The following PLEKHA1 variants were observed in gnomAD, a reference collection of about 807,000 sequenced individuals.
PLEKHA1 encodes pleckstrin homology domain containing A1, also known as pleckstrin homology domain-containing family A member 1.
A neutral mutation model predicts 52.0 loss-of-function variants in PLEKHA1; 34 were observed. The ratio of observed to expected loss-of-function variants is 0.65; its 90% CI spans 0.50 to 0.87. The LOEUF is 0.87. PLEKHA1 is among the 40% of genes least tolerant of loss of function. The pLI is 0.00. For synonymous variants in PLEKHA1, 163 were observed against 170.7 expected (o/e 0.95, Z 0.35); for missense variants, 497 against 504.2 (o/e 0.99, Z 0.14).
At chr10:122,428,895 AGATTT>A (rs2097379809) in intron 11 of PLEKHA1, among the ~76,000 whole-genome samples, 1 of 152,244 alleles carries the variant, frequency 6.6e-6, no homozygotes, top group African/African-American at 2.4e-5. Context: ...GGATATTTTC[AGATTT>A]GATCTAGTTA....
intron 6 of PLEKHA1, 68 bp downstream of exon 6, chr10:122,413,113 C>G: frequency 7.4e-7 from 1 of 1,344,970 alleles, no homozygotes; most frequent in Middle Eastern, 2.0e-4. Context: ...ATTATTAAAA[C>G]TAAAACAGTG....
intron 1 of PLEKHA1, among the ~76,000 whole-genome samples, chr10:122,388,929 CTAA>C (rs2133900432): frequency 7.4e-6 from 1 of 135,170 alleles, no homozygotes; most frequent in African/African-American, 2.5e-5. Flanking sequence ...TCAGGCCCTT[CTAA>C]TTCTAGTCCT....
downstream of PLEKHA1, chr10:122,436,062 C>T (rs1044933050): frequency 6.6e-6 from 1 of 152,168 alleles, no homozygotes; most frequent in African/African-American, 2.4e-5. Context: ...TTTATAGTCA[C>T]ATCCATCTCC....
At chr10:122,398,057 C>T (rs1056180769) in intron 3 of PLEKHA1, 83 bp downstream of exon 3, 8 of 1,134,980 alleles carry the variant, frequency 7.0e-6, no homozygotes, top group Non-Finnish European at 9.2e-6. Flanking sequence ...AGTTTCCTTT[C>T]CATGTCCTTT....
intron 5 of PLEKHA1, among the ~76,000 whole-genome samples, chr10:122,411,505 A>G (rs758229160): frequency 2.9e-4 from 44 of 152,208 alleles, no homozygotes; most frequent in African/African-American, 8.4e-4. Flanking sequence ...ATCGTATGGA[A>G]GAAGAGCACA....
intron 1 of PLEKHA1, among the ~76,000 whole-genome samples, chr10:122,379,729 C>T (rs2096589105): frequency 6.6e-6 from 1 of 152,182 alleles, no homozygotes; most frequent in Non-Finnish European, 1.5e-5. Flanking sequence ...TTGTGTTTGT[C>T]AGTGATTGTG....
intron 4 of PLEKHA1, among the ~76,000 whole-genome samples, chr10:122,403,424 A>G (rs772808093): frequency 9.2e-5 from 14 of 152,148 alleles, no homozygotes; most frequent in Admixed American, 3.3e-4. Context: ...GTTTGCAGTT[A>G]AGCTAATGTT....
chr10:122,396,471 A>C (rs2134110336), intron 2 of PLEKHA1, among the ~76,000 whole-genome samples: 2 of 152,192 alleles, frequency 1.3e-5, no homozygotes, highest in South Asian at 4.2e-4. Context: ...TATATTTGGA[A>C]GCTTGTACGT....
At chr10:122,418,255 G>A (rs1418398546) in intron 8 of PLEKHA1, 7 of 268,902 alleles carry the variant, frequency 2.6e-5, no homozygotes, top group African/African-American at 1.3e-4. Context: ...CCTCTTGGGG[G>A]GTTAGCCCCA....
At chr10:122,387,282 GACTATAAATTT>G (rs2096713235) in intron 1 of PLEKHA1, 1 of 151,906 alleles carries the variant, frequency 6.6e-6, no homozygotes, top group East Asian at 1.9e-4. Context: ...AATATCTTAA[GACTATAAATTT>G]TCTTTCAAAA....
intron 5 of PLEKHA1, among the ~76,000 whole-genome samples, chr10:122,407,455 A>G (rs567588018): frequency 1.1e-4 from 16 of 152,320 alleles, no homozygotes; most frequent in South Asian, 4.1e-4. Flanking sequence ...TAGCTGGTAG[A>G]TTATGGAGCT....
rs562971081 is a variant in PLEKHA1 at position 122,383,956 on chromosome 10, C to T, written c.-21+9150C>T. 4.7e-4 allele frequency among the ~76,000 whole-genome samples: 71 copies of T among 152,168 alleles called. 2 individuals carry two copies. The South Asian group carries it at 0.015, about 31-fold the overall frequency. ...AAAGAAACCAGTTATCTTTCCTGAG[C>T]CATTTCTTACTGTATAGATTTTGAT... On this transcript the variant is annotated intron_variant, in intron 1 of 11. Transcript: ENST00000368990.
At chr10:122,399,322 C>T (rs759901557) in intron 3 of PLEKHA1, among the ~76,000 whole-genome samples, 7 of 152,072 alleles carry the variant, frequency 4.6e-5, no homozygotes, top group Admixed American at 6.5e-5. Flanking sequence ...TGGACAACAG[C>T]ATGGCAATAG....
At chr10:122,424,139 G>A (rs1259332376) in intron 8 of PLEKHA1, 60 bp from the exon 9 acceptor site, 4 of 1,475,582 alleles carry the variant, frequency 2.7e-6, no homozygotes, top group Non-Finnish European at 3.6e-6. Flanking sequence ...GCTAACCTTT[G>A]AAAGGATTTT....
intron 5 of PLEKHA1, chr10:122,412,662 G>C: frequency 2.4e-6 from 1 of 421,102 alleles, no homozygotes. Context: ...GCATAGGGTA[G>C]ACAGGAGTAG....
chr10:122,437,727 A>G, the PLEKHA1 span: 16,519 of 152,278 alleles, frequency 0.11, 980 homozygotes, highest in Middle Eastern at 0.17. Context: ...AGTGAAGAAA[A>G]TGAAGTGAGG....
At chr10:122,383,882 A>T (rs1187099011) in intron 1 of PLEKHA1, among the ~76,000 whole-genome samples, 2 of 152,156 alleles carry the variant, frequency 1.3e-5, no homozygotes, top group Non-Finnish European at 2.9e-5. Context: ...TTTAATTCAT[A>T]GGTTTCTCCT....
intron 5 of PLEKHA1, among the ~76,000 whole-genome samples, chr10:122,410,694 G>A (rs964307086): frequency 2.6e-5 from 4 of 152,158 alleles, no homozygotes; most frequent in Non-Finnish European, 5.9e-5. Flanking sequence ...GAGCTTAACA[G>A]CATAAGCAAG....
chr10:122,385,641 T>C (rs2096681964), intron 1 of PLEKHA1, among the ~76,000 whole-genome samples: 1 of 152,178 alleles, frequency 6.6e-6, no homozygotes. Context: ...TTGTACTTAA[T>C]ATTACGATTT....
Sources: allele counts gnomAD v4.1 joint callset (sites outside exome capture counted in the v4.1 genomes callset), GRCh38; gene constraint gnomAD v4.1.1; transcripts MANE v1.5; gene names NCBI Gene and HGNC (gene_info 2026-07-23, HGNC 2026-07-21).